DDAH1: variants seen among roughly 807,000 people sequenced by gnomAD.
The protein encoded by DDAH1 is N(G),N(G)-dimethylarginine dimethylaminohydrolase 1.
In DDAH1, 19 loss-of-function variants were observed where a neutral mutation model predicts 28.8. The ratio of observed to expected loss-of-function variants is 0.66; its 90% CI spans 0.46 to 0.97. The LOEUF (loss-of-function observed/expected upper bound fraction) is 0.97, where lower values mean the gene tolerates loss of function less well. Ranked by LOEUF, DDAH1 falls within the 50% of genes least tolerant of loss-of-function variation. The pLI is 0.00. For synonymous variants in DDAH1, 153 were observed against 154.4 expected (o/e 0.99, Z 0.07); for missense variants, 326 against 375.9 (o/e 0.87, Z 1.10).
rs562301476 is a variant in DDAH1, at chr1:85,338,947, TGAA to T, written c.597+11465_597+11467del. On this transcript the variant is annotated intron_variant, in intron 4 of 5. Transcript: ENST00000284031. ...CTGTAATCCCAGCTACTCAGGAGGC[TGAA>T]GAAGGAGAATTGCTTGAACCTGGGA... Among the ~76,000 whole-genome samples the T allele has an allele frequency of 3.2e-3, 479 of 150,556 alleles. 3 individuals carry two copies. The highest frequency in any genetic ancestry group is 0.01 in the African/African-American group (425 of 40,874).
chr1:85,466,411 C>T (rs1454906931), upstream of DDAH1, among the ~76,000 whole-genome samples: 1 of 152,096 alleles, frequency 6.6e-6, no homozygotes, highest in African/African-American at 2.4e-5. Flanking sequence ...CCACCACTCG[C>T]GGCTAATTTG....
At chr1:85,443,459 A>G (rs933124303) in intron 1 of DDAH1, among the ~76,000 whole-genome samples, 7 of 152,254 alleles carry the variant, frequency 4.6e-5, no homozygotes, top group African/African-American at 1.2e-4. Context: ...GTCAGGTAGC[A>G]TGATGCCTCC....
At chr1:85,396,986 A>G (rs1651845477) in intron 1 of DDAH1, among the ~76,000 whole-genome samples, 1 of 151,842 alleles carries the variant, frequency 6.6e-6, no homozygotes, top group South Asian at 2.1e-4. Context: ...GCAGTGAGCC[A>G]TGATCACATC....
intron 1 of DDAH1, among the ~76,000 whole-genome samples, chr1:85,507,592 A>G (rs972755601): frequency 2.0e-5 from 3 of 152,172 alleles, no homozygotes; most frequent in African/African-American, 7.2e-5. Flanking sequence ...TGTCATTATC[A>G]TTTCTAATAA....
At chr1:85,507,582 T>C (rs989510437) in intron 1 of DDAH1, among the ~76,000 whole-genome samples, 19 of 152,026 alleles carry the variant, frequency 1.2e-4, no homozygotes, top group African/African-American at 4.3e-4. Flanking sequence ...ATAATTGCAA[T>C]GTCATTATCA....
intron 1 of DDAH1, among the ~76,000 whole-genome samples, chr1:85,415,274 A>G (rs775344030): frequency 3.3e-5 from 5 of 152,120 alleles, no homozygotes; most frequent in Admixed American, 1.3e-4. Context: ...TTGGCCTCCC[A>G]AAGTCTTGGG....
intron 1 of DDAH1, among the ~76,000 whole-genome samples, chr1:85,543,569 G>A (rs1658532491): frequency 6.6e-6 from 1 of 152,180 alleles, no homozygotes; most frequent in Non-Finnish European, 1.5e-5. Flanking sequence ...GTTAAAGAAA[G>A]GAGAACACTT....
At chr1:85,327,922 C>G (rs1315960558) in intron 4 of DDAH1, among the ~76,000 whole-genome samples, 1 of 152,196 alleles carries the variant, frequency 6.6e-6, no homozygotes, top group Admixed American at 6.5e-5. Flanking sequence ...TATGTTTGCA[C>G]TAACTGGTTC....
At chr1:85,367,691 G>A (rs912317026) in intron 1 of DDAH1, among the ~76,000 whole-genome samples, 1 of 152,116 alleles carries the variant, frequency 6.6e-6, no homozygotes. Context: ...CTGAGGGGGT[G>A]TCTGTTGAGA....
At chr1:85,441,705 C>T (rs1654204898) in intron 1 of DDAH1, among the ~76,000 whole-genome samples, 1 of 152,180 alleles carries the variant, frequency 6.6e-6, no homozygotes, top group Non-Finnish European at 1.5e-5. Flanking sequence ...TGACAGCTAT[C>T]AGCAAGTGAC....
intron 1 of DDAH1, among the ~76,000 whole-genome samples, chr1:85,443,290 T>C (rs1396114986): frequency 6.6e-6 from 1 of 152,218 alleles, no homozygotes; most frequent in Non-Finnish European, 1.5e-5. Context: ...GGTAACCCTT[T>C]CCCCATTTCT....
intron 1 of DDAH1, among the ~76,000 whole-genome samples, chr1:85,408,527 T>C (rs1404782356): frequency 1.3e-5 from 2 of 152,204 alleles, no homozygotes; most frequent in Non-Finnish European, 2.9e-5. Flanking sequence ...AAAAAAGTAC[T>C]TCTTGGAAAT....
intron 1 of DDAH1, among the ~76,000 whole-genome samples, chr1:85,446,113 A>G (rs1259274958): frequency 6.6e-6 from 1 of 152,188 alleles, no homozygotes; most frequent in Non-Finnish European, 1.5e-5. Flanking sequence ...GCAATTGCTC[A>G]TGGACTTGTT....
In DDAH1 at chr1:85,321,392, G is replaced by C; in HGVS notation, c.*60C>G. ...TTGTCAAGGAAAACAACAGGAGTGGGCACAGAGTCATCGGCCTTGCCTGTG... is the reference window on the plus strand; with the variant it reads ...TTGTCAAGGAAAACAACAGGAGTGGCCACAGAGTCATCGGCCTTGCCTGTG... On this transcript the variant is annotated 3_prime_UTR_variant, in exon 6 of 6. Coordinates refer to ENST00000284031, the MANE Select transcript of DDAH1 (RefSeq NM_012137.4). 1.9e-6 allele frequency: 2 copies of C among 1,040,774 alleles called. No homozygotes were observed. The highest frequency in any genetic ancestry group is 2.4e-5 in the East Asian group (1 of 42,238). The allele number at this position is 1,040,774 out of a possible 1,614,324, so 64.5% of individuals were successfully genotyped here. A position where few individuals can be genotyped will look rare whatever the true frequency, so the allele number is the denominator to read the frequency against.
At chr1:85,490,088 A>T (rs1656337124) in intron 2 of DDAH1, among the ~76,000 whole-genome samples, 1 of 152,218 alleles carries the variant, frequency 6.6e-6, no homozygotes, top group African/African-American at 2.4e-5. Flanking sequence ...TGCAAATAGA[A>T]GATGAAGGAA....
At chr1:85,495,108 T>C (rs1656542065) in intron 2 of DDAH1, 1 of 151,874 alleles carries the variant, frequency 6.6e-6, no homozygotes, top group Admixed American at 6.6e-5. Context: ...CTTCTGAACG[T>C]GTTAAGGCAA....
chr1:85,570,236 G>T (rs1228733675), intron 1 of DDAH1, among the ~76,000 whole-genome samples: 2 of 152,078 alleles, frequency 1.3e-5, no homozygotes, highest in African/African-American at 4.8e-5. Flanking sequence ...TGGCCTCAAA[G>T]CCTCTACAAA....
intron 2 of DDAH1, among the ~76,000 whole-genome samples, chr1:85,479,580 T>C (rs1655934652): frequency 1.3e-5 from 2 of 152,244 alleles, no homozygotes; most frequent in Non-Finnish European, 2.9e-5. Flanking sequence ...TAATTGCTTA[T>C]TGAGTATTAC....
chr1:85,502,447 A>G (rs1656853123), intron 1 of DDAH1, among the ~76,000 whole-genome samples: 1 of 152,240 alleles, frequency 6.6e-6, no homozygotes, highest in South Asian at 2.1e-4. Context: ...CACATGCTCA[A>G]CTGCTGGAAT....
Sources: gnomAD v4.1 joint callset for allele counts (sites outside exome capture counted in the v4.1 genomes callset) on GRCh38, gnomAD v4.1.1 for gene constraint, MANE v1.5 for transcripts, NCBI Gene and HGNC (gene_info 2026-07-23, HGNC 2026-07-21) for gene names.